The following CCDC172 variants were observed in gnomAD, a reference collection of about 807,000 sequenced individuals.
CCDC172 encodes the protein coiled-coil domain containing 172.
CCDC172 carries 30 observed loss-of-function variants against 38.0 expected under a neutral mutation model. The ratio of observed to expected loss-of-function variants is 0.79; its 90% CI spans 0.59 to 1.07. The LOEUF is 1.07. Among genes scored for constraint, CCDC172 ranks in the 50% least tolerant of loss-of-function variants. CCDC172 has a pLI of 0.00. For missense variants in CCDC172, 297 were observed against 290.1 expected (o/e 1.02, Z -0.17); for synonymous variants, 78 against 88.3 (o/e 0.88, Z 0.66).
Position 116,368,217 on chromosome 10 carries a change from A to G in CCDC172, c.654-10206A>G, listed in dbSNP as rs544220640. On this transcript the variant is annotated intron_variant, in intron 7 of 8. Coordinates refer to ENST00000333254, the MANE Select transcript of CCDC172 (RefSeq NM_198515.3). ...TTTTCCATTGGTAGTACTAAGTAAT[A>G]TATAGGATGACCCTTTGATACCTTG... is the stretch of plus-strand genomic sequence containing the variant. Among the ~76,000 whole-genome samples, 6 of 152,234 alleles carry G rather than the reference A, an allele frequency of 3.9e-5. No homozygotes were observed. In the East Asian group the frequency reaches 1.2e-3, roughly 29 times the overall value.
intron 7 of CCDC172, among the ~76,000 whole-genome samples, chr10:116,360,664 G>A (rs1845052485): frequency 6.6e-6 from 1 of 152,030 alleles, no homozygotes; most frequent in Non-Finnish European, 1.5e-5. Flanking sequence ...AATCTGGAAA[G>A]GCAAACTGGG....
intron 5 of CCDC172, among the ~76,000 whole-genome samples, chr10:116,354,512 T>C (rs778249083): frequency 1.3e-5 from 2 of 151,638 alleles, no homozygotes; most frequent in Non-Finnish European, 2.9e-5. Flanking sequence ...TTGCCTGAGC[T>C]CAGGAGTTTG....
At chr10:116,364,151 T>C (rs1845096505) in intron 7 of CCDC172, among the ~76,000 whole-genome samples, 1 of 152,172 alleles carries the variant, frequency 6.6e-6, no homozygotes, top group South Asian at 2.1e-4. Context: ...ACCTACTTTG[T>C]ACCGTACAGT....
chr10:116,372,728 A>G (rs1176820004), intron 7 of CCDC172, among the ~76,000 whole-genome samples: 1 of 152,146 alleles, frequency 6.6e-6, no homozygotes, highest in Non-Finnish European at 1.5e-5. Context: ...TACACATCAT[A>G]TTTGAACCTC....
chr10:116,363,311 A>G (rs947377938), intron 7 of CCDC172, among the ~76,000 whole-genome samples: 4 of 152,062 alleles, frequency 2.6e-5, no homozygotes, highest in Admixed American at 2.6e-4. Flanking sequence ...AGCCTTACAC[A>G]CCTGTGAAAG....
At chr10:116,357,313 C>T (rs1002450134) in intron 5 of CCDC172, 67 bp from the exon 6 acceptor site, 10 of 1,016,038 alleles carry the variant, frequency 9.8e-6, no homozygotes, top group Non-Finnish European at 1.4e-5. Context: ...GTGTACAGGT[C>T]TTTTACTTCC....
intron 3 of CCDC172, among the ~76,000 whole-genome samples, chr10:116,330,521 G>A (rs1450499543): frequency 6.6e-6 from 1 of 152,148 alleles, no homozygotes; most frequent in African/African-American, 2.4e-5. Context: ...AGAATGAAAA[G>A]TTCATTGAAA....
In CCDC172 at chr10:116,357,424, CAAAAACAAAAG is replaced by C. The variant is rs1565720080; in HGVS notation, c.495_505del (p.Lys166Ter). 3 of 1,582,844 alleles carry C rather than the reference CAAAAACAAAAG, an allele frequency of 1.9e-6. No individual in the cohort carries two copies. Among genetic ancestry groups the C allele is most frequent in the Non-Finnish European group, 2.6e-6 (3 of 1,167,180 alleles). ...TGATAGTAGCCAGTTAAATGAACTT[CAAAAACAAAAG>C]AGTGAATTGATACAAGAATTATTTA... On this transcript the variant is annotated frameshift_variant, in exon 6 of 9. Coordinates refer to ENST00000333254, the MANE Select transcript of CCDC172 (RefSeq NM_198515.3). LOFTEE classifies it high-confidence loss of function.
intron 5 of CCDC172, among the ~76,000 whole-genome samples, chr10:116,354,868 C>G (rs948734880): frequency 1.3e-5 from 2 of 152,160 alleles, no homozygotes; most frequent in African/African-American, 4.8e-5. Context: ...TGATCCCACC[C>G]TTGTGTAGGC....
chr10:116,369,701 G>A (rs1406088921), intron 7 of CCDC172, among the ~76,000 whole-genome samples: 1 of 151,922 alleles, frequency 6.6e-6, no homozygotes, highest in East Asian at 1.9e-4. Flanking sequence ...ATGTTGTTTT[G>A]TATTTATACA....
intron 5 of CCDC172, among the ~76,000 whole-genome samples, chr10:116,346,291 CAAA>C (rs562182925): frequency 5.0e-5 from 4 of 79,984 alleles, no homozygotes; most frequent in African/African-American, 4.4e-5. Flanking sequence ...GACTTCGTCT[CAAA>C]AAAAAAAAAA....
chr10:116,372,016 C>T (rs1306436156), intron 7 of CCDC172, among the ~76,000 whole-genome samples: 2 of 152,044 alleles, frequency 1.3e-5, no homozygotes, highest in Non-Finnish European at 2.9e-5. Flanking sequence ...CCTTAGGCAC[C>T]CTTTTTCCTT....
chr10:116,370,170 G>A (rs952573244), intron 7 of CCDC172, among the ~76,000 whole-genome samples: 3 of 148,714 alleles, frequency 2.0e-5, no homozygotes, highest in Non-Finnish European at 4.4e-5. Context: ...CTTTACTTAC[G>A]GTGGTTTTTG....
At chr10:116,333,540 T>C (rs1408017458) in intron 3 of CCDC172, among the ~76,000 whole-genome samples, 1 of 152,202 alleles carries the variant, frequency 6.6e-6, no homozygotes, top group African/African-American at 2.4e-5. Flanking sequence ...TCCCTTTGTT[T>C]TGTATCCTAA....
chr10:116,374,114 G>T (rs1481967318), intron 7 of CCDC172, among the ~76,000 whole-genome samples: 2 of 152,164 alleles, frequency 1.3e-5, no homozygotes, highest in Non-Finnish European at 2.9e-5. Flanking sequence ...TATGCTACCT[G>T]CCTGCTAGTC....
At position 116,357,486 on chromosome 10, in the gene CCDC172, T is replaced by A; in HGVS notation, c.550+5T>A. 1 of 1,535,548 alleles carries A rather than the reference T, an allele frequency of 6.5e-7. No homozygotes were observed. Among genetic ancestry groups the A allele is most frequent in the Non-Finnish European group, 8.8e-7 (1 of 1,140,346 alleles). The stretch of plus-strand genomic sequence containing the variant: ...CTCTCCAAAGAAAACTTAAAGGTAT[T>A]ACCTTCATGAGTTAGCTTATTTTGC... On this transcript the variant is annotated splice_donor_5th_base_variant and intron_variant, in intron 6 of 8. Transcript: ENST00000333254.
At chr10:116,368,945 C>T (rs1022845126) in intron 7 of CCDC172, among the ~76,000 whole-genome samples, 1 of 151,726 alleles carries the variant, frequency 6.6e-6, no homozygotes, top group Non-Finnish European at 1.5e-5. Context: ...TATTAATATC[C>T]TAAATCCTAC....
chr10:116,371,186 AT>A lies in CCDC172; in HGVS notation c.654-7229del, dbSNP rs1046714691. ...TGCTTACTTTGGGATTGACATATGT[AT>A]TTTTTTTATTGGGTAAAAATAATAT... On this transcript the variant is annotated intron_variant, in intron 7 of 8. Transcript: ENST00000333254. 9.2e-5 allele frequency among the ~76,000 whole-genome samples: 14 copies of A among 151,458 alleles called. No individual in the cohort carries two copies. The South Asian group carries it at 1.5e-3, about 16-fold the overall frequency.
chr10:116,325,896 T>C (rs1191079083), intron 3 of CCDC172, among the ~76,000 whole-genome samples: 1 of 152,218 alleles, frequency 6.6e-6, no homozygotes, highest in Non-Finnish European at 1.5e-5. Context: ...TGTTCTGTTA[T>C]TTTAAAAAGA....
Sources: gnomAD v4.1 joint callset for allele counts (sites outside exome capture counted in the v4.1 genomes callset) on GRCh38, gnomAD v4.1.1 for gene constraint, MANE v1.5 for transcripts, NCBI Gene and HGNC (gene_info 2026-07-23, HGNC 2026-07-21) for gene names.